BCAS3: variants seen among roughly 807,000 people sequenced by gnomAD.
BCAS3 encodes BCAS3 microtubule associated cell migration factor.
BCAS3 carries 53 observed loss-of-function variants against 116.1 expected under a neutral mutation model. The ratio of observed to expected loss-of-function variants is 0.46; its 90% CI spans 0.37 to 0.57. The LOEUF is 0.57. BCAS3 is among the 20% of genes least tolerant of loss of function. The pLI is 0.00. For synonymous variants in BCAS3, 391 were observed against 408.2 expected (o/e 0.96, Z 0.51); for missense variants, 917 against 1,165.4 (o/e 0.79, Z 3.10).
At chr17:60,948,377 G>C (rs149607281) in intron 14 of BCAS3, among the ~76,000 whole-genome samples, 1 of 152,238 alleles carries the variant, frequency 6.6e-6, no homozygotes, top group Non-Finnish European at 1.5e-5. Context: ...ACCCACTTCA[G>C]CCTCCCAAAG....
chr17:60,850,039 G>C (rs1007888830), intron 7 of BCAS3, among the ~76,000 whole-genome samples: 1 of 151,934 alleles, frequency 6.6e-6, no homozygotes, highest in Admixed American at 6.6e-5. Flanking sequence ...ATTAGAGACG[G>C]AACCCACTGC....
chr17:61,096,182 C>T (rs2073958041), intron 22 of BCAS3, among the ~76,000 whole-genome samples: 1 of 152,120 alleles, frequency 6.6e-6, no homozygotes, highest in Non-Finnish European at 1.5e-5. Flanking sequence ...TTTAAGCCTT[C>T]TTTAATTTCT....
chr17:60,851,294 T>G (rs888357275), intron 7 of BCAS3: 2 of 289,276 alleles, frequency 6.9e-6, no homozygotes, highest in South Asian at 3.4e-5. Flanking sequence ...GCAGGAGGAG[T>G]GGCAGCAGCC....
At chr17:61,049,361 T>C (rs866602367) in intron 19 of BCAS3, among the ~76,000 whole-genome samples, 4 of 151,998 alleles carry the variant, frequency 2.6e-5, no homozygotes, top group Middle Eastern at 3.4e-3. Context: ...AACTTGAAGA[T>C]AGAGCAAGAT....
chr17:60,804,212 G>A (rs1016728783), intron 6 of BCAS3, among the ~76,000 whole-genome samples: 2 of 151,290 alleles, frequency 1.3e-5, no homozygotes, highest in East Asian at 3.9e-4. Flanking sequence ...GCTGGGCGTG[G>A]TGGCTCACAC....
At chr17:61,133,899 A>G (rs1196189214) in intron 22 of BCAS3, among the ~76,000 whole-genome samples, 2 of 150,192 alleles carry the variant, frequency 1.3e-5, no homozygotes, top group Non-Finnish European at 3.0e-5. Context: ...CCAAAAAACC[A>G]TCTTTGATTC....
chr17:60,988,270 C>CTCTAG (rs1419000776), intron 14 of BCAS3, among the ~76,000 whole-genome samples: 55 of 149,654 alleles, frequency 3.7e-4, no homozygotes, highest in South Asian at 2.3e-3. Flanking sequence ...GAATATTGGC[C>CTCTAG]TCTAGTCTAG....
At chr17:61,280,340 C>T (rs764650722) in intron 22 of BCAS3, among the ~76,000 whole-genome samples, 2 of 152,184 alleles carry the variant, frequency 1.3e-5, no homozygotes, top group Admixed American at 6.5e-5. Context: ...GACATAGGAT[C>T]AACAGTAGTC....
chr17:61,147,366 G>A (rs1239004686), intron 22 of BCAS3, among the ~76,000 whole-genome samples: 3 of 151,932 alleles, frequency 2.0e-5, no homozygotes, highest in Admixed American at 6.6e-5. Flanking sequence ...ATGATCCACC[G>A]CACCCGGCCA....
intron 14 of BCAS3, among the ~76,000 whole-genome samples, chr17:60,973,068 A>T (rs1415466301): frequency 6.6e-6 from 1 of 152,214 alleles, no homozygotes; most frequent in Admixed American, 6.5e-5. Flanking sequence ...AGAAAACCAC[A>T]TTTAACAATG....
At position 60,961,118 on chromosome 17, in the gene BCAS3, G is replaced by C. The variant is rs908284540; in HGVS notation, c.1221+13766G>C. Among the ~76,000 whole-genome samples, 1 of 152,100 alleles carries C rather than the reference G, an allele frequency of 6.6e-6. No homozygotes were observed. The highest frequency in any genetic ancestry group is 2.4e-5 in the African/African-American group (1 of 41,406). ...ATATTCAAATACCAGAAGATCCAAA[G>C]GAAGTATTATTGAATGGTAAAATAA... On this transcript the variant is annotated intron_variant, in intron 14 of 23. Transcript: ENST00000407086. The surrounding 1 kb of genome is among the most constrained non-coding windows in gnomAD (Gnocchi z 4.8).
At chr17:60,992,189 T>TCCACACACACACACACACAC (rs1555654103) in intron 15 of BCAS3, among the ~76,000 whole-genome samples, 1 of 130,652 alleles carries the variant, frequency 7.7e-6, no homozygotes, top group African/African-American at 2.9e-5. Flanking sequence ...TCCGATGACT[T>TCCACACACACACACACACAC]ACACACACAC....
At chr17:61,111,265 G>T (rs1416562352) in intron 22 of BCAS3, among the ~76,000 whole-genome samples, 3 of 152,046 alleles carry the variant, frequency 2.0e-5, no homozygotes, top group Non-Finnish European at 4.4e-5. Context: ...AGAGAAGAAG[G>T]CTTCAGACGA....
chr17:60,956,774 A>G lies in BCAS3; in HGVS notation c.1221+9422A>G, dbSNP rs1702536044. On this transcript the variant is annotated intron_variant, in intron 14 of 23. Transcript: ENST00000407086. The surrounding 1 kb of genome is among the most constrained non-coding windows in gnomAD (Gnocchi z 4.2). ...GAATTTCTAAACCCCAAATACCAGGACCTCAGTGACCACAAAATTAATTTT... is the reference window on the plus strand; with the variant it reads ...GAATTTCTAAACCCCAAATACCAGGGCCTCAGTGACCACAAAATTAATTTT... 6.6e-6 allele frequency among the ~76,000 whole-genome samples: 1 copy of G among 152,150 alleles called. No homozygotes were observed. Among genetic ancestry groups the G allele is most frequent in the Non-Finnish European group, 1.5e-5 (1 of 68,012 alleles).
Position 61,363,519 on chromosome 17 carries a change from C to T in BCAS3, c.2426-4808C>T, listed in dbSNP as rs78594318. On this transcript the variant is annotated intron_variant, in intron 22 of 23. Coordinates refer to ENST00000407086, the MANE Select transcript of BCAS3 (RefSeq NM_017679.5). The surrounding 1 kb of genome is among the most constrained non-coding windows in gnomAD (Gnocchi z 4.9). ...ACCTATACAATGGTGATCATTGTTG[C>T]TTCCCATAGTTTGGTGAAGTCACAT... is the stretch of plus-strand genomic sequence containing the variant. Among the ~76,000 whole-genome samples the T allele has an allele frequency of 0.011, 1,665 of 151,652 alleles. 40 individuals carry two copies. Among genetic ancestry groups the T allele is most frequent in the African/African-American group, 0.039 (1,594 of 41,336 alleles).
rs2072128042 is a variant in BCAS3 at position 61,077,485 on chromosome 17, C to G, written c.2131-848C>G. Among the ~76,000 whole-genome samples, 2 of 152,056 alleles carry G rather than the reference C, an allele frequency of 1.3e-5. No homozygotes were observed. The highest frequency in any genetic ancestry group is 4.1e-4 in the South Asian group (2 of 4,824). ...TGAGCGGAGATCACGCCACTGCACT[C>G]CAGTCTGGGCAACAGAGCGAGACTC... On this transcript the variant is annotated intron_variant, in intron 20 of 23. Transcript: ENST00000407086. This position sits in a 1 kb window ranked among gnomAD's most constrained non-coding sequence, Gnocchi z 4.3.
chr17:60,992,141 G>A (rs1189105286), intron 15 of BCAS3, among the ~76,000 whole-genome samples: 10 of 148,936 alleles, frequency 6.7e-5, no homozygotes, highest in African/African-American at 2.0e-4. Context: ...ATTTGTTTCA[G>A]CTTCTGTACT....
At chr17:60,970,286 C>T (rs1383222339) in intron 14 of BCAS3, among the ~76,000 whole-genome samples, 1 of 151,684 alleles carries the variant, frequency 6.6e-6, no homozygotes, top group African/African-American at 2.4e-5. Flanking sequence ...AAATGGCATA[C>T]TAAAAAATGT....
rs1028481625 is a variant in BCAS3 at position 61,082,724 on chromosome 17, C to T, written c.2328-1743C>T. ...TCTAACTGGCCCACATTAGCTTAGG[C>T]TTACCTATCCCCTAACTAACCACTG... On this transcript the variant is annotated intron_variant, in intron 21 of 23. Transcript: ENST00000407086. The surrounding 1 kb of genome is among the most constrained non-coding windows in gnomAD (Gnocchi z 5.1). Among the ~76,000 whole-genome samples, 1 of 152,162 alleles carries T rather than the reference C, an allele frequency of 6.6e-6. No homozygotes were observed. The highest frequency in any genetic ancestry group is 1.5e-5 in the Non-Finnish European group (1 of 68,024).
Sources: gnomAD v4.1 joint callset for allele counts (sites outside exome capture counted in the v4.1 genomes callset) on GRCh38, gnomAD v4.1.1 for gene constraint, Gnocchi (gnomAD v3.1) non-coding constraint, MANE v1.5 for transcripts, NCBI Gene and HGNC (gene_info 2026-07-23, HGNC 2026-07-21) for gene names.